Variants in OPRM1 observed in about 807,000 individuals in gnomAD.
OPRM1 encodes opioid receptor mu 1, also known as mu-type opioid receptor.
Under a neutral mutation model 31.8 loss-of-function variants are expected in OPRM1, and 27 were observed. The ratio of observed to expected loss-of-function variants is 0.85; its 90% CI spans 0.63 to 1.17. The LOEUF is 1.17. OPRM1 is among the 50% of genes most tolerant of loss of function. The pLI, the probability that OPRM1 is intolerant of heterozygous loss-of-function variation, is 0.00. For synonymous variants in OPRM1, 196 were observed against 189.9 expected (o/e 1.03, Z -0.26); for missense variants, 536 against 511.1 (o/e 1.05, Z -0.47).
intron 3 of OPRM1, among the ~76,000 whole-genome samples, chr6:154,203,046 G>A (rs137949807): frequency 6.8e-4 from 104 of 152,254 alleles, no homozygotes; most frequent in Non-Finnish European, 1.1e-3. Flanking sequence ...TTTATAGACC[G>A]TGTAGTGCTA....
intron 3 of OPRM1, chr6:154,092,098 T>G (rs1453691618): frequency 4.7e-6 from 1 of 210,788 alleles, no homozygotes; most frequent in Non-Finnish European, 8.2e-6. Flanking sequence ...CTAATAAATT[T>G]TATTAGATTA....
At chr6:154,245,869 A>T (rs907038210) in intron 3 of OPRM1, among the ~76,000 whole-genome samples, 1 of 152,252 alleles carries the variant, frequency 6.6e-6, no homozygotes, top group Non-Finnish European at 1.5e-5. Context: ...AAAGATCAGC[A>T]CACTTTCTAA....
chr6:154,229,889 G>C (rs765521730), intron 3 of OPRM1, among the ~76,000 whole-genome samples: 2 of 152,174 alleles, frequency 1.3e-5, no homozygotes, highest in African/African-American at 4.8e-5. Context: ...ATCATGAAAA[G>C]GAGCAAACCA....
chr6:154,151,955 G>T (rs1798510270), intron 3 of OPRM1, among the ~76,000 whole-genome samples: 1 of 151,940 alleles, frequency 6.6e-6, no homozygotes, highest in Non-Finnish European at 1.5e-5. Flanking sequence ...TGGGTGGATC[G>T]CTTGAGGCCA....
intron 3 of OPRM1, among the ~76,000 whole-genome samples, chr6:154,102,507 G>A (rs549237462): frequency 6.6e-6 from 1 of 152,108 alleles, no homozygotes; most frequent in East Asian, 1.9e-4. Context: ...GCATTTAAAA[G>A]GAATGAAATA....
intron 1 of OPRM1, among the ~76,000 whole-genome samples, chr6:154,057,554 G>T (rs1248507153): frequency 6.6e-6 from 1 of 151,990 alleles, no homozygotes; most frequent in South Asian, 2.1e-4. Flanking sequence ...TTTGTTAAAG[G>T]TATTATTTAT....
intron 3 of OPRM1, among the ~76,000 whole-genome samples, chr6:154,142,395 G>T (rs1376608349): frequency 2.6e-5 from 4 of 152,160 alleles, no homozygotes; most frequent in African/African-American, 4.8e-5. Flanking sequence ...AAAATGGGTA[G>T]TATGACCTTC....
intron 3 of OPRM1, among the ~76,000 whole-genome samples, chr6:154,207,253 GC>G (rs1777578647): frequency 6.6e-6 from 1 of 152,180 alleles, no homozygotes; most frequent in South Asian, 2.1e-4. Context: ...AAAGCCAGAG[GC>G]AAAAATATAA....
intron 1 of OPRM1, among the ~76,000 whole-genome samples, chr6:154,076,603 T>A (rs73572490): frequency 2.0e-5 from 3 of 151,968 alleles, no homozygotes; most frequent in Non-Finnish European, 2.9e-5. Context: ...AACTCCAAAA[T>A]CTCCCCTGTA....
At chr6:154,108,608 A>G in intron 3 of OPRM1, 1 of 190,020 alleles carries the variant, frequency 5.3e-6, no homozygotes, top group Non-Finnish European at 9.7e-6. Flanking sequence ...CCATCAGCAA[A>G]GAGTGCAAGA....
intron 3 of OPRM1, among the ~76,000 whole-genome samples, chr6:154,183,562 ATGC>A (rs1184839782): frequency 5.9e-5 from 9 of 152,306 alleles, no homozygotes; most frequent in Admixed American, 3.9e-4. Flanking sequence ...ATACCAAAGG[ATGC>A]TATAAAGGTA....
chr6:154,171,551 G>A (rs1799871015), intron 3 of OPRM1, among the ~76,000 whole-genome samples: 1 of 152,186 alleles, frequency 6.6e-6, no homozygotes, highest in Non-Finnish European at 1.5e-5. Flanking sequence ...AGATTGTGAT[G>A]ACAGCTGCAC....
chr6:154,110,330 GT>G (rs988017816), intron 3 of OPRM1: 51 of 1,210,082 alleles, frequency 4.2e-5, no homozygotes, highest in Non-Finnish European at 5.7e-5. Flanking sequence ...ACATTGTTCT[GT>G]TTTTGAATGA....
At chr6:154,069,206 T>C (rs542456844) in intron 1 of OPRM1, among the ~76,000 whole-genome samples, 1 of 152,290 alleles carries the variant, frequency 6.6e-6, no homozygotes, top group South Asian at 2.1e-4. Context: ...GCTTTTTAGT[T>C]TGATGTAATC....
chr6:154,246,578 A>G, intron 3 of OPRM1: 1 of 1,604,892 alleles, frequency 6.2e-7, no homozygotes, highest in Non-Finnish European at 8.5e-7. Context: ...TAGGAGGAAG[A>G]AAGCAGACTC....
At chr6:154,145,472 C>G (rs9397688) in intron 3 of OPRM1, among the ~76,000 whole-genome samples, 18,060 of 152,224 alleles carry the variant, frequency 0.12, 1,276 homozygotes, top group South Asian at 0.24. Flanking sequence ...ATGCTAAAAA[C>G]TATAAAACAC....
rs1797207630 is a variant in OPRM1 at position 154,119,882 on chromosome 6, T to C, written c.*1161T>C. ...TGTTTATATAATGTCATCACCAATA[T>C]TTTGGTCTTTTTGATCTCTGCTAAA... On this transcript the variant is annotated 3_prime_UTR_variant, in exon 4 of 4. Transcript: ENST00000330432. Among the ~76,000 whole-genome samples, 1 of 152,216 alleles carries C rather than the reference T, an allele frequency of 6.6e-6. No homozygotes were observed. Among genetic ancestry groups the C allele is most frequent in the South Asian group, 2.1e-4 (1 of 4,836 alleles).
chr6:154,171,623 T>C (rs987947997), intron 3 of OPRM1, among the ~76,000 whole-genome samples: 2 of 152,182 alleles, frequency 1.3e-5, no homozygotes, highest in African/African-American at 4.8e-5. Context: ...TTATGGTATG[T>C]GAAATATATC....
intron 1 of OPRM1, chr6:154,087,552 A>T (rs1487804631): frequency 1.2e-4 from 122 of 985,338 alleles, no homozygotes; most frequent in Non-Finnish European, 1.5e-4. Flanking sequence ...CTCCTCCAGC[A>T]ACTACATACC....
Sources: allele counts gnomAD v4.1 joint callset (sites outside exome capture counted in the v4.1 genomes callset), GRCh38; gene constraint gnomAD v4.1.1; transcripts MANE v1.5; gene names NCBI Gene and HGNC (gene_info 2026-07-23, HGNC 2026-07-21).